The following SLC8A3 variants were observed in gnomAD, a reference collection of about 807,000 sequenced individuals.
SLC8A3 encodes the protein solute carrier family 8 member A3.
SLC8A3 carries 37 observed loss-of-function variants against 65.4 expected under a neutral mutation model. The ratio of observed to expected loss-of-function variants is 0.57; its 90% CI spans 0.44 to 0.74. The LOEUF (loss-of-function observed/expected upper bound fraction) is 0.74. Ranked by LOEUF, SLC8A3 falls within the 30% of genes least tolerant of loss-of-function variation. SLC8A3 has a pLI of 0.00. For missense variants in SLC8A3, 1,112 were observed against 1,172.1 expected (o/e 0.95, Z 0.75); for synonymous variants, 461 against 444.5 (o/e 1.04, Z -0.47).
intron 2 of SLC8A3, among the ~76,000 whole-genome samples, chr14:70,110,555 G>T (rs1893219918): frequency 6.6e-6 from 1 of 151,404 alleles, no homozygotes. Context: ...GTACTCCATT[G>T]TATATATGTA....
At chr14:70,096,433 G>A (rs1195080013) in intron 2 of SLC8A3, among the ~76,000 whole-genome samples, 1 of 152,130 alleles carries the variant, frequency 6.6e-6, no homozygotes, top group Non-Finnish European at 1.5e-5. Flanking sequence ...AGGACAGGTG[G>A]CCCCTGCTTT....
In SLC8A3 at chr14:70,167,809, A is replaced by G; in HGVS notation, c.614T>C (p.Ile205Thr). 2 of 1,614,170 alleles carry G rather than the reference A, an allele frequency of 1.2e-6. No homozygotes were observed. The highest frequency in any genetic ancestry group is 1.7e-6 in the Non-Finnish European group (2 of 1,180,032). Residue 205 changes from isoleucine to threonine, a missense_variant, in exon 2 of 7, where the codon ATC becomes ACC. Transcript: ENST00000356921. ...RKIKHLRVFF[I>T]TAAWSIFAYI... ...GGCAAAGATACTCCAAGCAGCGGTG[A>G]TGAAGAAGACTCGTAGATGCTTGAT...
At chr14:70,127,114 G>T (rs925865273) in intron 2 of SLC8A3, among the ~76,000 whole-genome samples, 1 of 148,748 alleles carries the variant, frequency 6.7e-6, no homozygotes, top group Admixed American at 6.7e-5. Flanking sequence ...CCCTATAATG[G>T]CTCCCAAATG....
intron 6 of SLC8A3, chr14:70,047,047 G>A (rs1886867755): frequency 6.6e-6 from 1 of 152,182 alleles, no homozygotes; most frequent in Admixed American, 6.5e-5. Context: ...ATGTTAGCAA[G>A]AGACTTGACC....
intron 5 of SLC8A3, among the ~76,000 whole-genome samples, chr14:70,050,050 T>C (rs574169023): frequency 2.9e-4 from 44 of 152,332 alleles, no homozygotes; most frequent in Admixed American, 7.8e-4. Flanking sequence ...TCAGAACACT[T>C]GGGTTCTCAT....
At chr14:70,048,597 T>G in intron 6 of SLC8A3, 170 bp downstream of exon 6, 1 of 702,956 alleles carries the variant, frequency 1.4e-6, no homozygotes, top group Non-Finnish European at 2.6e-6. Flanking sequence ...ATATTAGCTG[T>G]CATTACTAAT....
At chr14:70,098,217 C>T (rs1426622304) in intron 2 of SLC8A3, among the ~76,000 whole-genome samples, 3 of 152,204 alleles carry the variant, frequency 2.0e-5, no homozygotes, top group Non-Finnish European at 4.4e-5. Flanking sequence ...GAACACCAGC[C>T]TCATGCTCCC....
At chr14:70,134,452 C>A (rs150277620) in intron 2 of SLC8A3, among the ~76,000 whole-genome samples, 6 of 152,228 alleles carry the variant, frequency 3.9e-5, no homozygotes, top group Non-Finnish European at 8.8e-5. Flanking sequence ...CCAGGTTTGT[C>A]CGAACAAGGT....
chr14:70,171,762 T>A (rs1897553517), intron 1 of SLC8A3, among the ~76,000 whole-genome samples: 1 of 152,026 alleles, frequency 6.6e-6, no homozygotes, highest in African/African-American at 2.4e-5. Flanking sequence ...ATCGCGCCAT[T>A]GCACTCCCAC....
rs115130647 is a variant in SLC8A3 at position 70,134,971 on chromosome 14, C to A, written c.1784+31668G>T. 1.6e-3 allele frequency among the ~76,000 whole-genome samples: 246 copies of A among 152,198 alleles called. 1 individual carries two copies. The highest frequency in any genetic ancestry group is 5.8e-3 in the African/African-American group (242 of 41,542). ...CTGAAAAAGGGTGGACCTCTCTAAT[C>A]GTATATAACTGGAGTCCTCATAAGA... On this transcript the variant is annotated intron_variant, in intron 2 of 6. Transcript: ENST00000356921.
At chr14:70,159,986 C>T (rs1896791556) in intron 2 of SLC8A3, among the ~76,000 whole-genome samples, 1 of 152,126 alleles carries the variant, frequency 6.6e-6, no homozygotes, top group Non-Finnish European at 1.5e-5. Flanking sequence ...GCAGGTTCCA[C>T]CAACCAACTG....
Position 70,045,134 on chromosome 14 carries a change from T to C in SLC8A3, c.*813A>G, listed in dbSNP as rs1173073041. 6.6e-6 allele frequency: 1 copy of C among 152,224 alleles called. No individual in the cohort carries two copies. Among genetic ancestry groups the C allele is most frequent in the African/African-American group, 2.4e-5 (1 of 41,454 alleles). 9.4% of individuals were successfully genotyped at this position (152,224 alleles called of 1,614,324 possible). A position where few individuals can be genotyped will look rare whatever the true frequency, so the allele number is the denominator to read the frequency against. On this transcript the variant is annotated 3_prime_UTR_variant, in exon 7 of 7. Coordinates refer to ENST00000356921, the MANE Select transcript of SLC8A3 (RefSeq NM_182932.3). ...TGGGCAAAGAGGGACAATTGCTTTT[T>C]GTATCTGACTTGATTCAACATAAGC...
chr14:70,065,167 T>C lies in SLC8A3; in HGVS notation c.1785-4228A>G, dbSNP rs551080641. Among the ~76,000 whole-genome samples the C allele has an allele frequency of 1.1e-4, 16 of 152,318 alleles. No homozygotes were observed. In the South Asian group the frequency reaches 3.3e-3, roughly 32 times the overall value. On this transcript the variant is annotated intron_variant, in intron 2 of 6. Transcript: ENST00000356921. The stretch of plus-strand genomic sequence containing the variant: ...TTCAGTCTCCTTTTTTTCTTTTTTA[T>C]AAAATAGGAATCTTTACATTCTAAA...
chr14:70,185,907 A>G (rs570684180), intron 1 of SLC8A3, among the ~76,000 whole-genome samples: 3 of 152,372 alleles, frequency 2.0e-5, no homozygotes, highest in African/African-American at 7.2e-5. Context: ...TGCCTGACAG[A>G]GTAGGTGGCT....
At chr14:70,128,663 A>G (rs919979856) in intron 2 of SLC8A3, among the ~76,000 whole-genome samples, 1 of 152,216 alleles carries the variant, frequency 6.6e-6, no homozygotes, top group African/African-American at 2.4e-5. Context: ...GCAAAATTAT[A>G]AAAAACTTGG....
intron 2 of SLC8A3, among the ~76,000 whole-genome samples, chr14:70,098,299 CT>C (rs919650400): frequency 4.3e-4 from 12 of 28,034 alleles, no homozygotes; most frequent in East Asian, 5.4e-3. Flanking sequence ...CTTTTTCTCA[CT>C]TTTTTTTAAA....
At position 70,167,759 on chromosome 14, in the gene SLC8A3, C is replaced by T. The variant is rs765520342; in HGVS notation, c.664G>A (p.Ala222Thr). 3.1e-6 allele frequency: 5 copies of T among 1,614,138 alleles called. No homozygotes were observed. The highest frequency in any genetic ancestry group is 3.4e-6 in the Non-Finnish European group (4 of 1,180,016). The change falls in exon 2 of 7, where the codon GCA becomes ACA. Residue 222 changes from alanine (A) to threonine (T), a missense_variant. Transcript: ENST00000356921. ...TGGACCACACCAGGGGAGAAGACTG[C>T]CAGAATCATATAGAGCCAGATGTAG... ...FAYIWLYMIL[A>T]VFSPGVVQVW...
intron 2 of SLC8A3, among the ~76,000 whole-genome samples, chr14:70,162,143 G>A (rs779715179): frequency 2.0e-5 from 3 of 151,998 alleles, no homozygotes; most frequent in Non-Finnish European, 4.4e-5. Flanking sequence ...TAATACTCCC[G>A]GACTCACACT....
At chr14:70,139,106 G>T (rs558882060) in intron 2 of SLC8A3, among the ~76,000 whole-genome samples, 2 of 152,250 alleles carry the variant, frequency 1.3e-5, no homozygotes, top group Non-Finnish European at 2.9e-5. Flanking sequence ...ACCTCCTTCA[G>T]GACTTCACAA....
Sources: gnomAD v4.1 joint callset for allele counts (sites outside exome capture counted in the v4.1 genomes callset) on GRCh38, gnomAD v4.1.1 for gene constraint, MANE v1.5 for transcripts, NCBI Gene and HGNC (gene_info 2026-07-23, HGNC 2026-07-21) for gene names.